CD48: variants seen among roughly 807,000 people sequenced by gnomAD.
CD48 encodes the protein CD48 molecule, also known as CD48 antigen.
Under a neutral mutation model 22.0 loss-of-function variants are expected in CD48, and 20 were observed. That is an observed-to-expected ratio of 0.91 (90% CI 0.64 to 1.32). The LOEUF is 1.32. CD48 is among the 40% of genes most tolerant of loss of function. CD48 has a pLI of 0.00. For synonymous variants in CD48, 110 were observed against 110.1 expected (o/e 1.00, Z 0.01); for missense variants, 307 against 286.5 (o/e 1.07, Z -0.52).
At chr1:160,705,545 C>T (rs1662761531) in intron 1 of CD48, among the ~76,000 whole-genome samples, 1 of 152,176 alleles carries the variant, frequency 6.6e-6, no homozygotes, top group Non-Finnish European at 1.5e-5. Flanking sequence ...ATCGCACAAC[C>T]ACAACATGCC....
At chr1:160,699,304 C>G (rs1457679572) in intron 1 of CD48, 1 of 158,218 alleles carries the variant, frequency 6.3e-6, no homozygotes, top group Non-Finnish European at 1.4e-5. Context: ...GAGTCATCAC[C>G]ACTCCCTAAT....
At chr1:160,701,295 G>T (rs12737006) in intron 1 of CD48, among the ~76,000 whole-genome samples, 3 of 148,576 alleles carry the variant, frequency 2.0e-5, no homozygotes, top group Non-Finnish European at 4.5e-5. Flanking sequence ...GTTACCATCC[G>T]CCATTTGCCT....
intron 1 of CD48, among the ~76,000 whole-genome samples, chr1:160,694,317 C>A (rs1198370123): frequency 6.6e-6 from 1 of 152,124 alleles, no homozygotes; most frequent in African/African-American, 2.4e-5. Flanking sequence ...GAGAACAGAC[C>A]TGTGTGTAAG....
intron 2 of CD48, 30 bp from the exon 3 acceptor site, chr1:160,681,498 G>A (rs1459393936): frequency 6.2e-7 from 1 of 1,605,782 alleles, no homozygotes; most frequent in African/African-American, 1.3e-5. Context: ...TATAAGATGA[G>A]ACAGTGAGGC....
intron 3 of CD48, among the ~76,000 whole-genome samples, chr1:160,680,036 G>A (rs1320022426): frequency 3.9e-5 from 6 of 152,160 alleles, no homozygotes; most frequent in African/African-American, 9.7e-5. Flanking sequence ...CACAGTCTCC[G>A]TAGTCCACAT....
chr1:160,710,461 T>C lies in CD48; in HGVS notation c.82+1221A>G, dbSNP rs573965970. Among the ~76,000 whole-genome samples, 61 of 152,316 alleles carry C rather than the reference T, an allele frequency of 4.0e-4. 1 individual carries two copies. Among genetic ancestry groups the C allele is most frequent in the Middle Eastern group, 3.4e-3 (1 of 294 alleles). ...AATATTATCCATTCAAAGGATAACA[T>C]AATCAGGTGTGGTCTGATTGTTTCA... On this transcript the variant is annotated intron_variant, in intron 1 of 3. Coordinates refer to ENST00000368046, the MANE Select transcript of CD48 (RefSeq NM_001778.4).
chr1:160,696,026 C>T (rs1469063574), intron 1 of CD48, among the ~76,000 whole-genome samples: 33 of 150,634 alleles, frequency 2.2e-4, no homozygotes, highest in South Asian at 4.2e-4. Context: ...AATCATTACC[C>T]AAAAACAAAA....
At chr1:160,691,487 T>C (rs949944601) in intron 1 of CD48, among the ~76,000 whole-genome samples, 1 of 152,282 alleles carries the variant, frequency 6.6e-6, no homozygotes, top group Admixed American at 6.5e-5. Flanking sequence ...TGCAAAGACC[T>C]TTGTTCACGT....
At chr1:160,682,174 G>T (rs1302297497) in intron 2 of CD48, among the ~76,000 whole-genome samples, 3 of 152,090 alleles carry the variant, frequency 2.0e-5, no homozygotes, top group Non-Finnish European at 2.9e-5. Flanking sequence ...ACAGCCGGGT[G>T]CAGCGGCTCA....
chr1:160,703,525 G>A (rs1012698687), intron 1 of CD48, among the ~76,000 whole-genome samples: 4 of 152,158 alleles, frequency 2.6e-5, no homozygotes, highest in Admixed American at 2.6e-4. Context: ...GGTTTGAAGA[G>A]AGAAGAATTA....
At chr1:160,707,471 C>T (rs1451599459) in intron 1 of CD48, among the ~76,000 whole-genome samples, 1 of 152,016 alleles carries the variant, frequency 6.6e-6, no homozygotes, top group African/African-American at 2.4e-5. Flanking sequence ...TGGCACAGGT[C>T]TTGACTGGGA....
chr1:160,690,647 A>C (rs1662174873), intron 1 of CD48, among the ~76,000 whole-genome samples: 1 of 152,214 alleles, frequency 6.6e-6, no homozygotes, highest in Non-Finnish European at 1.5e-5. Flanking sequence ...TATGTGTAAT[A>C]TAGGAAGGGT....
intron 1 of CD48, among the ~76,000 whole-genome samples, chr1:160,691,026 A>G (rs568029424): frequency 1.3e-5 from 2 of 152,202 alleles, no homozygotes; most frequent in African/African-American, 2.4e-5. Context: ...CAGCATGCTC[A>G]TTAAGAGTCA....
intron 1 of CD48, among the ~76,000 whole-genome samples, chr1:160,688,640 T>A (rs1211633062): frequency 6.6e-6 from 1 of 152,126 alleles, no homozygotes; most frequent in East Asian, 1.9e-4. Flanking sequence ...TCAAAATAGT[T>A]TTCCCTTCCC....
intron 1 of CD48, chr1:160,691,642 G>T (rs1048724159): frequency 2.9e-5 from 6 of 206,020 alleles, no homozygotes; most frequent in African/African-American, 1.4e-4. Flanking sequence ...GGTTCCCCGG[G>T]CCCCCTTATT....
chr1:160,680,814 G>A (rs751521416), intron 3 of CD48: 24 of 1,193,730 alleles, frequency 2.0e-5, no homozygotes, highest in Non-Finnish European at 2.5e-5. Flanking sequence ...GACTTCGGCT[G>A]TCTAATGAAG....
intron 1 of CD48, among the ~76,000 whole-genome samples, chr1:160,709,424 G>C (rs1292746289): frequency 1.3e-5 from 2 of 152,160 alleles, no homozygotes; most frequent in Non-Finnish European, 2.9e-5. Context: ...ACCCATTATG[G>C]AGCTGAGGAA....
chr1:160,703,166 C>T (rs1428913056), intron 1 of CD48, among the ~76,000 whole-genome samples: 1 of 152,174 alleles, frequency 6.6e-6, no homozygotes, highest in Non-Finnish European at 1.5e-5. Context: ...TGCTATTTAG[C>T]TGAGCCTGCA....
chr1:160,692,912 C>T (rs1436325463), intron 1 of CD48, among the ~76,000 whole-genome samples: 1 of 152,160 alleles, frequency 6.6e-6, no homozygotes, highest in Admixed American at 6.5e-5. Context: ...TGCTCATGGA[C>T]ATAGACTCAT....
Sources: gnomAD v4.1 joint callset for allele counts (sites outside exome capture counted in the v4.1 genomes callset) on GRCh38, gnomAD v4.1.1 for gene constraint, MANE v1.5 for transcripts, NCBI Gene and HGNC (gene_info 2026-07-23, HGNC 2026-07-21) for gene names.